The following ERCC1 variants were observed in gnomAD, a reference collection of about 807,000 sequenced individuals.
The protein encoded by ERCC1 is ERCC excision repair 1, endonuclease non-catalytic subunit, also known as DNA excision repair protein ERCC-1.
A neutral mutation model predicts 37.6 loss-of-function variants in ERCC1; 36 were observed. The observed-to-expected ratio is 0.96, with a 90% CI of 0.73 to 1.26. The LOEUF is 1.26. Ranked by LOEUF, ERCC1 falls within the 50% of genes most tolerant of loss-of-function variation. The probability of loss-of-function intolerance (pLI) is 0.00; values close to 1 mark genes in which losing one functional copy is unlikely to be tolerated. For missense variants in ERCC1, 349 were observed against 376.5 expected, an observed-to-expected ratio of 0.93 and a Z score of 0.60; for synonymous variants, 156 against 162.1, an observed-to-expected ratio of 0.96 and a Z score of 0.28.
intron 1 of ERCC1, among the ~76,000 whole-genome samples, chr19:45,439,017 T>C (rs1343129917): frequency 6.6e-6 from 1 of 151,606 alleles, no homozygotes; most frequent in Non-Finnish European, 1.5e-5. Context: ...CCCAACCCCA[T>C]CTCTACTAAA....
chr19:45,449,833 G>A (rs530021824), intron 1 of ERCC1, among the ~76,000 whole-genome samples: 18 of 151,946 alleles, frequency 1.2e-4, no homozygotes, highest in Admixed American at 5.3e-4. Context: ...GCATGGTGGC[G>A]GGTGCCTGTA....
intron 1 of ERCC1, among the ~76,000 whole-genome samples, chr19:45,432,212 C>T (rs1177521852): frequency 6.6e-6 from 1 of 151,844 alleles, no homozygotes; most frequent in Non-Finnish European, 1.5e-5. Context: ...CCTCATGATC[C>T]ACCCGCCTTG....
intron 1 of ERCC1, 101 bp from the exon 2 acceptor site, chr19:45,423,482 G>A: frequency 6.6e-7 from 1 of 1,512,036 alleles, no homozygotes; most frequent in Non-Finnish European, 8.8e-7. Context: ...AAAACTCCGA[G>A]AGCTCCATAG....
At chr19:45,442,513 A>C (rs1185631118) in intron 1 of ERCC1, among the ~76,000 whole-genome samples, 1 of 152,128 alleles carries the variant, frequency 6.6e-6, no homozygotes, top group Non-Finnish European at 1.5e-5. Context: ...AAGTGGCTGG[A>C]ATCATTCAGC....
At chr19:45,414,136 G>T in intron 7 of ERCC1, 102 bp from the exon 8 acceptor site, 1 of 907,078 alleles carries the variant, frequency 1.1e-6, no homozygotes, top group African/African-American at 1.6e-5. Flanking sequence ...AGACTGCCTG[G>T]CGTGCAGGAA....
At chr19:45,422,826 A>T (rs1189731610) in intron 2 of ERCC1, among the ~76,000 whole-genome samples, 1 of 152,138 alleles carries the variant, frequency 6.6e-6, no homozygotes, top group Non-Finnish European at 1.5e-5. Context: ...CTACATCCTT[A>T]GCCCACTTTC....
At chr19:45,412,932 G>C (rs1467496659) in intron 9 of ERCC1, among the ~76,000 whole-genome samples, 3 of 151,768 alleles carry the variant, frequency 2.0e-5, no homozygotes. Flanking sequence ...GTAAAGATGG[G>C]GTGTCTCCAT....
chr19:45,444,333 C>T (rs1975201796), intron 1 of ERCC1, among the ~76,000 whole-genome samples: 1 of 148,694 alleles, frequency 6.7e-6, no homozygotes, highest in Non-Finnish European at 1.5e-5. Flanking sequence ...GGCCCAAGGC[C>T]GGCCCGCGCC....
At chr19:45,437,629 CT>C (rs1975014630) in intron 1 of ERCC1, among the ~76,000 whole-genome samples, 1 of 152,150 alleles carries the variant, frequency 6.6e-6, no homozygotes, top group Non-Finnish European at 1.5e-5. Flanking sequence ...CATGATCCCA[CT>C]TTTATATGGA....
chr19:45,449,529 A>T (rs1967048557), intron 1 of ERCC1, among the ~76,000 whole-genome samples: 1 of 152,148 alleles, frequency 6.6e-6, no homozygotes, highest in African/African-American at 2.4e-5. Flanking sequence ...AAATTAAAAA[A>T]TTAGCCAGTG....
intron 6 of ERCC1, among the ~76,000 whole-genome samples, chr19:45,415,505 G>A (rs374155611): frequency 2.1e-4 from 32 of 151,170 alleles, no homozygotes; most frequent in South Asian, 1.7e-3. Flanking sequence ...GCGTGGTAGC[G>A]GGCGCCTGTA....
intron 2 of ERCC1, 83 bp from the exon 3 acceptor site, chr19:45,421,476 CTTTT>C: frequency 5.0e-6 from 5 of 992,474 alleles, no homozygotes; most frequent in South Asian, 4.9e-5. Context: ...TCTCCCCTTT[CTTTT>C]TCTTTTTTTG....
At position 45,420,293 on chromosome 19, in the gene ERCC1, C is replaced by T. The variant is rs1443728998; in HGVS notation, c.425+31G>A. 6.8e-7 allele frequency: 1 copy of T among 1,463,494 alleles called. No homozygotes were observed. The highest frequency in any genetic ancestry group is 1.2e-5 in the South Asian group (1 of 86,006). 90.7% of individuals were successfully genotyped at this position (1,463,494 alleles called of 1,614,324 possible). On this transcript the variant is annotated intron_variant, in intron 4 of 9. Transcript: ENST00000300853. This position sits in a 1 kb window ranked among gnomAD's most constrained non-coding sequence, Gnocchi z 4.8. ...CTCCCAGGCCAGTGGGGTGCCCTTC[C>T]TGAAGTCTGGGGTGGCGCCGCAGAG...
chr19:45,414,427 A>C, intron 7 of ERCC1: 1 of 357,578 alleles, frequency 2.8e-6, no homozygotes, highest in South Asian at 2.4e-5. Flanking sequence ...CAGTGAGCCG[A>C]GATCATGTCA....
At chr19:45,432,055 T>A (rs1407488488) in intron 1 of ERCC1, among the ~76,000 whole-genome samples, 1 of 152,074 alleles carries the variant, frequency 6.6e-6, no homozygotes, top group African/African-American at 2.4e-5. Context: ...CGCTGCAACC[T>A]CCGCCTCCCG....
At chr19:45,430,437 T>C (rs1344205353) in intron 1 of ERCC1, among the ~76,000 whole-genome samples, 1 of 152,104 alleles carries the variant, frequency 6.6e-6, no homozygotes, top group Non-Finnish European at 1.5e-5. Context: ...GTACTGGATC[T>C]CACTGCTTGC....
Position 45,409,166 on chromosome 19 carries a change from G to A in ERCC1, c.*509C>T, listed in dbSNP as rs1281209870. ...ACAGCAAGATGCCACAGTGGAGCCA[G>A]AGACAGAGGTGGTGGGGCCTGAGCT... On this transcript the variant is annotated 3_prime_UTR_variant, in exon 10 of 10. Coordinates refer to ENST00000300853, the MANE Select transcript of ERCC1 (RefSeq NM_001983.4). The A allele has an allele frequency of 6.2e-7, 1 of 1,613,620 alleles. No individual in the cohort carries two copies. Among genetic ancestry groups the A allele is most frequent in the East Asian group, 2.2e-5 (1 of 44,842 alleles).
At chr19:45,422,595 T>C (rs1974505486) in intron 2 of ERCC1, among the ~76,000 whole-genome samples, 1 of 151,950 alleles carries the variant, frequency 6.6e-6, no homozygotes, top group Admixed American at 6.6e-5. Context: ...GTGAAACCCG[T>C]CTCTACTAAA....
chr19:45,430,490 G>T (rs1974805507), intron 1 of ERCC1, among the ~76,000 whole-genome samples: 1 of 152,152 alleles, frequency 6.6e-6, no homozygotes, highest in South Asian at 2.1e-4. Flanking sequence ...TGGCTCCAAA[G>T]GTGTTCGGTT....
Sources: gnomAD v4.1 joint callset for allele counts (sites outside exome capture counted in the v4.1 genomes callset) on GRCh38, gnomAD v4.1.1 for gene constraint, Gnocchi (gnomAD v3.1) non-coding constraint, MANE v1.5 for transcripts, NCBI Gene and HGNC (gene_info 2026-07-23, HGNC 2026-07-21) for gene names.